PDE10A: variants seen among roughly 807,000 people sequenced by gnomAD.
PDE10A encodes the protein cAMP and cAMP-inhibited cGMP 3',5'-cyclic phosphodiesterase 10A.
In PDE10A, 39 loss-of-function variants were observed where a neutral mutation model predicts 97.7. That is an observed-to-expected ratio of 0.40 (90% CI 0.31 to 0.52). PDE10A has a LOEUF of 0.52. Among genes scored for constraint, PDE10A ranks in the 20% least tolerant of loss-of-function variants. The probability of loss-of-function intolerance (pLI) is 0.56; values close to 1 mark genes in which losing one functional copy is unlikely to be tolerated. For missense variants in PDE10A, 731 were observed against 1,047.8 expected (o/e 0.70, Z 4.17); for synonymous variants, 371 against 376.8 (o/e 0.98, Z 0.18).
intron 1 of PDE10A, among the ~76,000 whole-genome samples, chr6:165,723,501 C>A (rs992145742): frequency 6.6e-6 from 1 of 152,220 alleles, no homozygotes; most frequent in Admixed American, 6.5e-5. Context: ...GGGATTTGCT[C>A]CTGACGGCAC....
chr6:165,418,808 CAATG>C lies in PDE10A; in HGVS notation c.1654-35_1654-32del, dbSNP rs756072201. 6.3e-7 allele frequency: 1 copy of C among 1,589,692 alleles called. No homozygotes were observed. Among genetic ancestry groups the C allele is most frequent in the East Asian group, 2.2e-5 (1 of 44,770 alleles). On this transcript the variant is annotated intron_variant, in intron 10 of 21. Transcript: ENST00000539869. This position sits in a 1 kb window ranked among gnomAD's most constrained non-coding sequence, Gnocchi z 4.8. The stretch of plus-strand genomic sequence containing the variant: ...GACAAATGACAAAATAAGAGGAAGA[CAATG>C]AGACATTCAAAGAACTTGCAGGTAA...
chr6:165,449,086 A>C, intron 4 of PDE10A, 109 bp from the exon 5 acceptor site: 5 of 777,252 alleles, frequency 6.4e-6, no homozygotes, highest in Non-Finnish European at 6.9e-6. Context: ...TGATTTGTTA[A>C]CAGAATCAAT....
chr6:165,441,405 A>T (rs1226630618), intron 5 of PDE10A, among the ~76,000 whole-genome samples: 1 of 152,212 alleles, frequency 6.6e-6, no homozygotes, highest in Non-Finnish European at 1.5e-5. Context: ...GTTTTTTGGT[A>T]CTTAGCAGAT....
intron 1 of PDE10A, among the ~76,000 whole-genome samples, chr6:165,920,292 T>G (rs1310481671): frequency 6.6e-6 from 1 of 152,228 alleles, no homozygotes; most frequent in African/African-American, 2.4e-5. Context: ...ATCAAGGGCA[T>G]ACATTTAGTG....
intron 1 of PDE10A, among the ~76,000 whole-genome samples, chr6:165,721,033 G>A (rs1792156072): frequency 6.6e-6 from 1 of 152,234 alleles, no homozygotes; most frequent in African/African-American, 2.4e-5. Flanking sequence ...CATTAAGAAT[G>A]TTACACGGAA....
chr6:165,875,734 T>TTTG (rs1554334709), intron 1 of PDE10A, among the ~76,000 whole-genome samples: 1 of 121,694 alleles, frequency 8.2e-6, no homozygotes, highest in East Asian at 2.3e-4. Flanking sequence ...TTTTACTGTT[T>TTTG]TTTTTTTTTT....
Position 165,943,230 on chromosome 6 carries a change from AGAAAGAAGGAAG to A in PDE10A, c.-615+44287_-615+44298del, listed in dbSNP as rs1371832538. ...AAGAAAGAAAGAAAGAAAGAAAGAA[AGAAAGAAGGAAG>A]GAAGGAAGGAAGGAAGGAAGGAAGG... On this transcript the variant is annotated intron_variant, in intron 1 of 19. Coordinates refer to the PDE10A transcript ENST00000366882. 7.2e-3 allele frequency among the ~76,000 whole-genome samples: 288 copies of A among 40,062 alleles called. 2 individuals are homozygous for A. The highest frequency in any genetic ancestry group is 0.015 in the South Asian group (18 of 1,204). 26.3% of individuals were successfully genotyped at this position (40,062 alleles called of 152,430 possible).
intron 6 of PDE10A, among the ~76,000 whole-genome samples, chr6:165,434,730 C>A (rs933784006): frequency 1.3e-5 from 2 of 152,178 alleles, no homozygotes; most frequent in African/African-American, 4.8e-5. Flanking sequence ...ACAGGGAAAG[C>A]GATGGCATAA....
intron 1 of PDE10A, among the ~76,000 whole-genome samples, chr6:165,617,956 T>C (rs1341479908): frequency 6.6e-6 from 1 of 152,066 alleles, no homozygotes; most frequent in Non-Finnish European, 1.5e-5. Context: ...TCAGGCACAG[T>C]GGTTCACTCC....
At chr6:165,933,023 C>G (rs1396334327) in intron 1 of PDE10A, among the ~76,000 whole-genome samples, 2 of 152,160 alleles carry the variant, frequency 1.3e-5, no homozygotes, top group African/African-American at 4.8e-5. Flanking sequence ...GATTCCTGGT[C>G]TGGGGAGGCT....
At chr6:165,933,052 C>A (rs1783192318) in intron 1 of PDE10A, among the ~76,000 whole-genome samples, 1 of 152,214 alleles carries the variant, frequency 6.6e-6, no homozygotes, top group South Asian at 2.1e-4. Flanking sequence ...TGACAAACCC[C>A]TCCCCAGGTT....
chr6:165,438,175 T>TTTTTTAA (rs1340983505), intron 5 of PDE10A, among the ~76,000 whole-genome samples: 16 of 152,250 alleles, frequency 1.1e-4, no homozygotes, highest in African/African-American at 3.4e-4. Context: ...CAAAGACGCT[T>TTTTTTAA]TTTTTAATTT....
chr6:165,443,201 A>C (rs1440790880), intron 5 of PDE10A, among the ~76,000 whole-genome samples: 1 of 152,054 alleles, frequency 6.6e-6, no homozygotes, highest in African/African-American at 2.4e-5. Flanking sequence ...CTAAAATCAC[A>C]AACAAGTTAG....
At chr6:165,587,274 C>A (rs897209184) in intron 1 of PDE10A, among the ~76,000 whole-genome samples, 1 of 152,142 alleles carries the variant, frequency 6.6e-6, no homozygotes, top group Non-Finnish European at 1.5e-5. Flanking sequence ...ACGGGAGGAA[C>A]ATAAACTTTT....
intron 11 of PDE10A, among the ~76,000 whole-genome samples, chr6:165,417,899 A>G (rs1009172654): frequency 6.6e-6 from 1 of 152,206 alleles, no homozygotes; most frequent in African/African-American, 2.4e-5. Context: ...TTACGGTGTT[A>G]TACAGAAGAT....
intron 3 of PDE10A, among the ~76,000 whole-genome samples, chr6:165,464,994 A>G (rs1224745995): frequency 6.6e-6 from 1 of 152,222 alleles, no homozygotes; most frequent in African/African-American, 2.4e-5. Flanking sequence ...CTTTTTGTGA[A>G]CACAGGTTTT....
chr6:165,377,936 T>C (rs1784712853), intron 18 of PDE10A, among the ~76,000 whole-genome samples: 1 of 152,230 alleles, frequency 6.6e-6, no homozygotes, highest in South Asian at 2.1e-4. Context: ...GCCCTGGCAA[T>C]GTCCTCAGAC....
intron 1 of PDE10A, among the ~76,000 whole-genome samples, chr6:165,670,705 G>A (rs192763287): frequency 1.3e-5 from 2 of 152,312 alleles, no homozygotes; most frequent in Admixed American, 1.3e-4. Context: ...TTAACTAGAA[G>A]AAGTGGCATT....
chr6:165,585,003 T>C (rs943038223), intron 1 of PDE10A, among the ~76,000 whole-genome samples: 3 of 152,204 alleles, frequency 2.0e-5, no homozygotes, highest in Admixed American at 6.5e-5. Flanking sequence ...AGTATGTGGG[T>C]ATACACATTT....
Sources: gnomAD v4.1 joint callset for allele counts (sites outside exome capture counted in the v4.1 genomes callset) on GRCh38, gnomAD v4.1.1 for gene constraint, Gnocchi (gnomAD v3.1) non-coding constraint, MANE v1.5 for transcripts, NCBI Gene and HGNC (gene_info 2026-07-23, HGNC 2026-07-21) for gene names.